FMN1: variants seen among roughly 807,000 people sequenced by gnomAD.
The protein encoded by FMN1 is formin-1.
FMN1 carries 110 observed loss-of-function variants against 132.4 expected under a neutral mutation model. That is an observed-to-expected ratio of 0.83 (90% confidence interval 0.71 to 0.97). The LOEUF is 0.97. Ranked by LOEUF, FMN1 falls within the 50% of genes least tolerant of loss-of-function variation. FMN1 has a pLI of 0.00. For missense variants in FMN1, 1,792 were observed against 1,705.3 expected, an observed-to-expected ratio of 1.05 and a Z score of -0.90; for synonymous variants, 722 against 651.7, an observed-to-expected ratio of 1.11 and a Z score of -1.64.
In FMN1 at chr15:32,904,903, C is replaced by A. The variant is rs137948680; in HGVS notation, c.3378-2863G>T. 8.1e-4 allele frequency among the ~76,000 whole-genome samples: 123 copies of A among 152,278 alleles called. 1 individual carries two copies. The highest frequency in any genetic ancestry group is 2.9e-3 in the African/African-American group (119 of 41,546). ...CCATTACTGTTTTATCCTCTACCCA[C>A]AAGAGCAAACACAGTAACTCTCTTA... is the stretch of plus-strand genomic sequence containing the variant. On this transcript the variant is annotated intron_variant, in intron 12 of 20. Transcript: ENST00000616417.
intron 12 of FMN1, among the ~76,000 whole-genome samples, chr15:32,906,510 A>G (rs189471719): frequency 6.6e-6 from 1 of 152,336 alleles, no homozygotes; most frequent in African/African-American, 2.4e-5. Context: ...ACAAAGCCTA[A>G]AAGACTTACT....
intron 4 of FMN1, among the ~76,000 whole-genome samples, chr15:33,112,041 T>C (rs759814226): frequency 1.3e-5 from 2 of 152,184 alleles, no homozygotes; most frequent in African/African-American, 4.8e-5. Context: ...GAAAGAACTG[T>C]AGTGTTAACA....
rs1291196499 is a variant in FMN1, at chr15:32,769,237, AAG to A, written c.*5071_*5072del. On this transcript the variant is annotated 3_prime_UTR_variant, in exon 21 of 21. Coordinates refer to ENST00000616417, the MANE Select transcript of FMN1 (RefSeq NM_001277313.2). ...CTAACTTTATATCACAGTATTGGTT[AAG>A]AGTCTTGGAACAAATAAGGATACTG... 1.8e-4 allele frequency: 27 copies of A among 152,348 alleles called. No homozygotes were observed. The highest frequency in any genetic ancestry group is 6.3e-4 in the African/African-American group (26 of 41,578). The allele number at this position is 152,348 out of a possible 1,614,324, so 9.4% of individuals were successfully genotyped here.
chr15:33,068,456 T>C (rs1306746687), intron 5 of FMN1, among the ~76,000 whole-genome samples: 2 of 152,190 alleles, frequency 1.3e-5, no homozygotes, highest in Non-Finnish European at 2.9e-5. Flanking sequence ...AGGCCTTCTT[T>C]TTCATCTGGA....
At chr15:32,912,938 C>T (rs994821401) in intron 10 of FMN1, among the ~76,000 whole-genome samples, 4 of 152,236 alleles carry the variant, frequency 2.6e-5, no homozygotes, top group African/African-American at 9.6e-5. Context: ...TATATATGAG[C>T]TATTACTATC....
chr15:33,093,109 CT>C (rs2038960008), intron 4 of FMN1, among the ~76,000 whole-genome samples: 1 of 152,190 alleles, frequency 6.6e-6, no homozygotes, highest in Admixed American at 6.5e-5. Context: ...ATTACAGTGC[CT>C]TTTAAGCTGT....
Position 33,154,406 on chromosome 15 carries a change from C to T in FMN1, c.509G>A (p.Gly170Glu). The change falls in exon 4 of 21, where the codon GGG (glycine) becomes GAG (glutamate). Residue 170 changes from glycine to glutamate, a missense_variant. Gly to Glu is a moderately conservative substitution (Grantham distance 98, BLOSUM62 -2). Around this residue, in one of 3 missense-constraint regions of FMN1, gnomAD observed 638 missense variants for 645.2 expected, o/e 0.99. Transcript: ENST00000616417. ...TTTGGTCCTCTTCTGTGGAAGGGCC[C>T]CAAAGCTCTCTCTCCTTCCACTAGA... The part of the protein sequence containing the change: ...RRSSGRRESF[G>E]ALPQKRTKRK... The T allele has an allele frequency of 1.3e-6, 2 of 1,536,148 alleles. No homozygotes were observed. The highest frequency in any genetic ancestry group is 4.9e-5 in the East Asian group (2 of 40,914).
intron 6 of FMN1, among the ~76,000 whole-genome samples, chr15:33,018,288 T>G (rs540145821): frequency 1.3e-5 from 2 of 152,086 alleles, no homozygotes; most frequent in Non-Finnish European, 2.9e-5. Flanking sequence ...TTTTTAATCT[T>G]AATGATCGAC....
At chr15:33,128,518 G>T (rs1595539541) in intron 4 of FMN1, among the ~76,000 whole-genome samples, 1 of 152,242 alleles carries the variant, frequency 6.6e-6, no homozygotes, top group Non-Finnish European at 1.5e-5. Flanking sequence ...CACTGAGAAT[G>T]AAACAGCGTG....
intron 17 of FMN1, among the ~76,000 whole-genome samples, chr15:32,826,191 C>G (rs1305672880): frequency 6.6e-6 from 1 of 152,180 alleles, no homozygotes. Flanking sequence ...GTGCTTCCCA[C>G]ACATGTCAAG....
chr15:32,884,145 A>C (rs1410914456), intron 16 of FMN1, among the ~76,000 whole-genome samples: 1 of 152,174 alleles, frequency 6.6e-6, no homozygotes, highest in Non-Finnish European at 1.5e-5. Context: ...TACTATAATA[A>C]ATTAGCACAA....
chr15:33,147,272 G>T (rs1964265145), intron 4 of FMN1, among the ~76,000 whole-genome samples: 1 of 152,116 alleles, frequency 6.6e-6, no homozygotes, highest in African/African-American at 2.4e-5. Context: ...ACCCGAAAAG[G>T]TTGTCTTTTT....
At chr15:33,067,780 C>CATAGAGA (rs1416709376) in intron 5 of FMN1, 53 of 1,614,022 alleles carry the variant, frequency 3.3e-5, no homozygotes, top group Non-Finnish European at 4.5e-5. Context: ...ATAGGGATTT[C>CATAGAGA]ATAGAGAACT....
chr15:32,830,930 A>T (rs551397010), intron 17 of FMN1, among the ~76,000 whole-genome samples: 1 of 152,230 alleles, frequency 6.6e-6, no homozygotes, highest in South Asian at 2.1e-4. Context: ...GCCACCAAAA[A>T]GTCTAGTGGT....
chr15:33,144,409 G>A (rs1964128233), intron 4 of FMN1, among the ~76,000 whole-genome samples: 1 of 151,962 alleles, frequency 6.6e-6, no homozygotes, highest in Non-Finnish European at 1.5e-5. Flanking sequence ...GGCCGAGGTG[G>A]GCGGATCATG....
intron 6 of FMN1, among the ~76,000 whole-genome samples, chr15:33,019,090 T>C (rs1306454200): frequency 1.3e-5 from 2 of 152,192 alleles, no homozygotes; most frequent in East Asian, 3.9e-4. Flanking sequence ...TTCTCTTACC[T>C]GGCCCCACCC....
chr15:32,987,167 T>G (rs932420279), intron 7 of FMN1, among the ~76,000 whole-genome samples: 1 of 152,138 alleles, frequency 6.6e-6, no homozygotes, highest in Admixed American at 6.6e-5. Flanking sequence ...CATTTTTTCT[T>G]AAGTGTTTCA....
intron 7 of FMN1, among the ~76,000 whole-genome samples, chr15:32,972,846 C>T (rs537626229): frequency 6.6e-6 from 1 of 152,284 alleles, no homozygotes; most frequent in South Asian, 2.1e-4. Flanking sequence ...GCCTCAGATC[C>T]AACAGGTTGG....
At chr15:32,994,043 A>G (rs572424829) in intron 7 of FMN1, among the ~76,000 whole-genome samples, 1 of 152,184 alleles carries the variant, frequency 6.6e-6, no homozygotes, top group African/African-American at 2.4e-5. Context: ...CCCTTCCAGA[A>G]TCTTGCCTCT....
Sources: allele counts gnomAD v4.1 joint callset (sites outside exome capture counted in the v4.1 genomes callset), GRCh38; gene constraint gnomAD v4.1.1; regional missense constraint gnomAD v4.1.1; transcripts MANE v1.5; gene names NCBI Gene and HGNC (gene_info 2026-07-23, HGNC 2026-07-21).